Variants in FBN2 observed in about 807,000 individuals in gnomAD.
FBN2 encodes the protein fibrillin 2, also known as fibrillin-2.
A neutral mutation model predicts 355.6 loss-of-function variants in FBN2; 105 were observed. The ratio of observed to expected loss-of-function variants is 0.30; its 90% confidence interval spans 0.25 to 0.35. The LOEUF is 0.35. Ranked by LOEUF, FBN2 falls within the 10% of genes least tolerant of loss-of-function variation. The pLI is 1.00. For synonymous variants in FBN2, 1,350 were observed against 1,301.2 expected, an observed-to-expected ratio of 1.04 and a Z score of -0.81; for missense variants, 3,280 against 3,758.7, an observed-to-expected ratio of 0.87 and a Z score of 3.33.
chr5:128,432,125 C>CT (rs1753643869), intron 7 of FBN2, among the ~76,000 whole-genome samples: 1 of 152,158 alleles, frequency 6.6e-6, no homozygotes, highest in Non-Finnish European at 1.5e-5. Context: ...TTACATCTCT[C>CT]TATTTCTACA....
intron 6 of FBN2, among the ~76,000 whole-genome samples, chr5:128,451,204 C>G (rs757473882): frequency 5.9e-5 from 9 of 152,050 alleles, no homozygotes; most frequent in African/African-American, 1.2e-4. Context: ...ATTTCTTCCT[C>G]CTATTAGCTA....
At chr5:128,318,049 T>C in intron 36 of FBN2, 100 bp downstream of exon 36, 1 of 1,284,768 alleles carries the variant, frequency 7.8e-7, no homozygotes, top group South Asian at 1.2e-5. Flanking sequence ...GTTTTGTTTT[T>C]AAGTTAACTG....
chr5:128,417,724 T>C (rs1044395352), intron 7 of FBN2, among the ~76,000 whole-genome samples: 1 of 152,212 alleles, frequency 6.6e-6, no homozygotes, highest in Non-Finnish European at 1.5e-5. Flanking sequence ...GTGTTATCTT[T>C]CTGATGTGCT....
At chr5:128,524,708 C>T (rs1449164277) in intron 4 of FBN2, among the ~76,000 whole-genome samples, 1 of 152,186 alleles carries the variant, frequency 6.6e-6, no homozygotes, top group South Asian at 2.1e-4. Flanking sequence ...ATCTTCCTTA[C>T]ACCATTCCTT....
At chr5:128,374,418 C>T (rs188072132) in intron 15 of FBN2, among the ~76,000 whole-genome samples, 235 of 152,012 alleles carry the variant, frequency 1.5e-3, no homozygotes, top group Admixed American at 3.2e-3. Context: ...ACGGACTTGC[C>T]GATTCTGGAG....
intron 5 of FBN2, among the ~76,000 whole-genome samples, chr5:128,495,377 A>G (rs192426162): frequency 3.1e-4 from 47 of 152,300 alleles, no homozygotes; most frequent in Non-Finnish European, 1.5e-5. Flanking sequence ...GGAGGAAAAG[A>G]ACAGTAAAAG....
At chr5:128,520,287 T>C (rs1756397449) in intron 4 of FBN2, among the ~76,000 whole-genome samples, 2 of 152,282 alleles carry the variant, frequency 1.3e-5, no homozygotes, top group South Asian at 4.1e-4. Context: ...GGAACCTAAG[T>C]ATTCCCATGA....
At position 128,497,136 on chromosome 5, in the gene FBN2, G is replaced by C. The variant is rs746659075; in HGVS notation, c.628+22137C>G. On this transcript the variant is annotated intron_variant, in intron 5 of 64. Transcript: ENST00000262464. ...AAGACTGAAGGATATCCTTTCCTAA[G>C]TGTCTTCAACAGATGGGAGTGAGGT... Among the ~76,000 whole-genome samples the C allele has an allele frequency of 7.2e-5, 11 of 152,288 alleles. No homozygotes were observed. The South Asian group carries it at 1.7e-3, about 23-fold the overall frequency.
chr5:128,298,762 G>T (rs1055949254), intron 48 of FBN2, among the ~76,000 whole-genome samples: 1 of 152,072 alleles, frequency 6.6e-6, no homozygotes, highest in African/African-American at 2.4e-5. Flanking sequence ...AAGTTTTCAA[G>T]TTCTTTGCCT....
chr5:128,483,905 G>A (rs1042018398), intron 5 of FBN2, among the ~76,000 whole-genome samples: 4 of 152,078 alleles, frequency 2.6e-5, no homozygotes, highest in African/African-American at 4.8e-5. Flanking sequence ...CTACTTAACC[G>A]CATATCAATC....
intron 7 of FBN2, among the ~76,000 whole-genome samples, chr5:128,444,816 T>C (rs1341501772): frequency 6.6e-6 from 1 of 152,260 alleles, no homozygotes; most frequent in Non-Finnish European, 1.5e-5. Context: ...CATTGTTCGA[T>C]GTGCATTAGA....
chr5:128,291,383 A>G (rs1561751630), intron 49 of FBN2, 146 bp downstream of exon 49: 3 of 842,098 alleles, frequency 3.6e-6, no homozygotes, highest in Admixed American at 2.2e-5. Flanking sequence ...TTCATTGCTT[A>G]TGTTTGAGAC....
chr5:128,437,819 TAGAC>T (rs71575718), intron 7 of FBN2, among the ~76,000 whole-genome samples: 19 of 107,994 alleles, frequency 1.8e-4, no homozygotes, highest in Admixed American at 3.0e-4. Context: ...GATAGATAGA[TAGAC>T]AGACAGACAG....
chr5:128,537,771 GC>G lies in FBN2; in HGVS notation c.-169del. ...AGCTGGAGACCTCGACAGAGCGCCG[GC>G]CCCCTGACTGCCCGCGAAGCGAGAC... On this transcript the variant is annotated 5_prime_UTR_variant, in exon 1 of 65. Transcript: ENST00000262464. 3 of 676,512 alleles carry G rather than the reference GC, an allele frequency of 4.4e-6. No homozygotes were observed. Among genetic ancestry groups the G allele is most frequent in the Non-Finnish European group, 7.5e-6 (3 of 401,852 alleles). 41.9% of individuals were successfully genotyped at this position (676,512 alleles called of 1,614,324 possible).
chr5:128,446,484 C>A lies in FBN2; in HGVS notation c.949G>T (p.Glu317Ter). The A allele has an allele frequency of 6.2e-7, 1 of 1,613,782 alleles. No homozygotes were observed. Among genetic ancestry groups the A allele is most frequent in the Non-Finnish European group, 8.5e-7 (1 of 1,179,778 alleles). The change falls in exon 7 of 65, where the codon GAA becomes TAA. Residue 317 changes from glutamate to a stop codon, truncating the protein, a stop_gained. Transcript: ENST00000262464. LOFTEE classifies it high-confidence loss of function. ...HKQSETTQKC[E>*]DIDECSIIPG... ...TTCCCAAAGTAGAGAGACTCACCTTCACATTTCTGAGTAGTTTCACTCTGT... is the reference window on the plus strand; with the variant it reads ...TTCCCAAAGTAGAGAGACTCACCTTAACATTTCTGAGTAGTTTCACTCTGT...
At chr5:128,530,767 A>T (rs1238099922) in intron 2 of FBN2, 74 bp from the exon 3 acceptor site, 3 of 995,754 alleles carry the variant, frequency 3.0e-6, no homozygotes, top group Non-Finnish European at 4.7e-6. Context: ...AGAAAGCTGT[A>T]TTTAAAAATA....
chr5:128,261,299 T>C (rs2126793325), intron 64 of FBN2, among the ~76,000 whole-genome samples: 1 of 152,322 alleles, frequency 6.6e-6, no homozygotes, highest in East Asian at 1.9e-4. Context: ...AACTTCTTAA[T>C]GAAGGAACAA....
chr5:128,486,136 C>T (rs1425034571), intron 5 of FBN2, among the ~76,000 whole-genome samples: 1 of 151,396 alleles, frequency 6.6e-6, no homozygotes, highest in Non-Finnish European at 1.5e-5. Context: ...AGTTTTTTAC[C>T]CTGCAATTTT....
rs758694112 is a variant in FBN2 at position 128,349,395 on chromosome 5, C to T, written c.2941G>A (p.Glu981Lys). ...CVNSKGSFHC[E>K]CPEGLTLDGT... ...TCCAACGTAAGGCCTTCAGGGCACTCGCAATGAAAAGATCCCTTACTGTTG... is the reference window on the plus strand; with the variant it reads ...TCCAACGTAAGGCCTTCAGGGCACTTGCAATGAAAAGATCCCTTACTGTTG... The change falls in exon 23 of 65, where the codon GAG becomes AAG. Residue 981 changes from glutamate to lysine, a missense_variant. By Grantham distance (56) the Glu-to-Lys change is moderately conservative. This residue lies in a region of FBN2 where 2,284 missense variants were observed against 2,749.5 expected (regional missense o/e 0.83). Transcript: ENST00000262464. 3.8e-5 allele frequency: 61 copies of T among 1,613,974 alleles called. No homozygotes were observed. Among genetic ancestry groups the T allele is most frequent in the Non-Finnish European group, 4.8e-5 (57 of 1,180,010 alleles).
Sources: allele counts gnomAD v4.1 joint callset (sites outside exome capture counted in the v4.1 genomes callset), GRCh38; gene constraint gnomAD v4.1.1; regional missense constraint gnomAD v4.1.1; transcripts MANE v1.5; gene names NCBI Gene and HGNC (gene_info 2026-07-23, HGNC 2026-07-21).